Variants in NOX4 observed in about 807,000 individuals in gnomAD.
NOX4 encodes the protein kidney oxidase-1.
A neutral mutation model predicts 87.6 loss-of-function variants in NOX4; 69 were observed. The ratio of observed to expected loss-of-function variants is 0.79; its 90% CI spans 0.65 to 0.96. The LOEUF is 0.96. Among genes scored for constraint, NOX4 ranks in the 40% least tolerant of loss-of-function variants. The pLI, the probability that NOX4 is intolerant of heterozygous loss-of-function variation, is 0.00. For synonymous variants in NOX4, 275 were observed against 238.2 expected (o/e 1.15, Z -1.42); for missense variants, 680 against 681.5 (o/e 1.00, Z 0.02).
chr11:89,576,561 G>C, the NOX4 span, among the ~76,000 whole-genome samples: 5,329 of 152,076 alleles, frequency 0.035, 327 homozygotes, highest in East Asian at 0.19. Context: ...TATGATAACT[G>C]TCTGCTCACA....
chr11:89,515,315 AATGCTGAAC>A, the NOX4 span, among the ~76,000 whole-genome samples: 51 of 152,092 alleles, frequency 3.4e-4, no homozygotes, highest in African/African-American at 1.2e-3. Flanking sequence ...AAGTATTTAT[AATGCTGAAC>A]ATCTTTTTCA....
chr11:89,462,939 AAGAT>A (rs1208117275), intron 2 of NOX4, among the ~76,000 whole-genome samples: 37 of 152,122 alleles, frequency 2.4e-4, no homozygotes, highest in African/African-American at 8.9e-4. Flanking sequence ...AGAGAAGAAA[AAGAT>A]AGATATATGA....
the NOX4 span, among the ~76,000 whole-genome samples, chr11:89,511,435 C>A: frequency 6.6e-6 from 1 of 151,840 alleles, no homozygotes; most frequent in African/African-American, 2.4e-5. Flanking sequence ...AACCACCTTT[C>A]CACTCCCTGT....
At chr11:89,430,112 A>G (rs1158984651) in intron 7 of NOX4, among the ~76,000 whole-genome samples, 91 of 152,224 alleles carry the variant, frequency 6.0e-4, no homozygotes, top group Non-Finnish European at 1.9e-4. Context: ...CCACATGATT[A>G]TCTCCATAGA....
the NOX4 span, among the ~76,000 whole-genome samples, chr11:89,521,906 A>C: frequency 6.6e-6 from 1 of 152,162 alleles, no homozygotes; most frequent in East Asian, 1.9e-4. Flanking sequence ...GAAGACATAT[A>C]AGTAGCCAAC....
chr11:89,515,285 T>A, the NOX4 span, among the ~76,000 whole-genome samples: 2 of 151,776 alleles, frequency 1.3e-5, no homozygotes, highest in Non-Finnish European at 2.9e-5. Flanking sequence ...TTAGCGTGAG[T>A]TTTTTTTAGC....
chr11:89,445,560 G>T (rs769096580), intron 4 of NOX4, among the ~76,000 whole-genome samples: 3 of 152,016 alleles, frequency 2.0e-5, no homozygotes, highest in East Asian at 3.8e-4. Context: ...CCAGAAATAC[G>T]CCCACATTAA....
the NOX4 span, among the ~76,000 whole-genome samples, chr11:89,509,806 C>T: frequency 1.6e-4 from 24 of 152,074 alleles, no homozygotes; most frequent in African/African-American, 4.3e-4. Flanking sequence ...AACTAAAACA[C>T]GATGTGTCCG....
rs1326171997 is a variant in NOX4 at position 89,361,975 on chromosome 11, C to G, written c.1136-6932G>C. Among the ~76,000 whole-genome samples, 3 of 152,048 alleles carry G rather than the reference C, an allele frequency of 2.0e-5. No homozygotes were observed. The East Asian group carries it at 5.8e-4, about 30-fold the overall frequency. ...TCACAGAGCAGCTCACATCCATTGACTGAACAAGGCAAGGATATTTCAGCA... is the reference window on the plus strand; with the variant it reads ...TCACAGAGCAGCTCACATCCATTGAGTGAACAAGGCAAGGATATTTCAGCA... On this transcript the variant is annotated intron_variant, in intron 12 of 17. Coordinates refer to ENST00000263317, the MANE Select transcript of NOX4 (RefSeq NM_016931.5).
chr11:89,362,009 G>A (rs1276652650), intron 12 of NOX4, among the ~76,000 whole-genome samples: 1 of 152,000 alleles, frequency 6.6e-6, no homozygotes, highest in Admixed American at 6.6e-5. Context: ...CACTACACAG[G>A]CAACTCTGAT....
At chr11:89,421,152 C>G (rs551519707) in intron 8 of NOX4, among the ~76,000 whole-genome samples, 219 of 152,292 alleles carry the variant, frequency 1.4e-3, no homozygotes, top group Non-Finnish European at 2.6e-3. Context: ...TGCCCTGTAT[C>G]TTGCCAAACC....
chr11:89,349,773 A>G (rs984263195), intron 13 of NOX4, among the ~76,000 whole-genome samples: 2 of 152,202 alleles, frequency 1.3e-5, no homozygotes, highest in African/African-American at 4.8e-5. Flanking sequence ...CATTGTGGTT[A>G]AAACTTCCAG....
chr11:89,389,766 G>A (rs909328064), intron 11 of NOX4, among the ~76,000 whole-genome samples: 1 of 152,128 alleles, frequency 6.6e-6, no homozygotes, highest in African/African-American at 2.4e-5. Flanking sequence ...GAGAGAGACA[G>A]TGCAGAACAG....
At chr11:89,350,262 G>A (rs1362638032) in intron 13 of NOX4, among the ~76,000 whole-genome samples, 2 of 152,140 alleles carry the variant, frequency 1.3e-5, no homozygotes, top group Admixed American at 6.5e-5. Flanking sequence ...CATTGCAGGA[G>A]TTATTTTTTA....
intron 13 of NOX4, among the ~76,000 whole-genome samples, chr11:89,347,130 C>T (rs911977154): frequency 1.3e-5 from 2 of 152,140 alleles, no homozygotes; most frequent in African/African-American, 4.8e-5. Context: ...ATTATGTATA[C>T]TGTGGAAAAT....
the NOX4 span, among the ~76,000 whole-genome samples, chr11:89,589,017 T>C: frequency 1.3e-5 from 2 of 152,138 alleles, no homozygotes; most frequent in Non-Finnish European, 2.9e-5. Context: ...GAAATACATA[T>C]AATTAACAGA....
At chr11:89,391,227 A>C (rs1035602337) in intron 11 of NOX4, among the ~76,000 whole-genome samples, 1 of 152,288 alleles carries the variant, frequency 6.6e-6, no homozygotes, top group South Asian at 2.1e-4. Flanking sequence ...AAGAGTGTAC[A>C]TGGGATGCTC....
upstream of NOX4, among the ~76,000 whole-genome samples, chr11:89,503,017 C>T (rs1032299196): frequency 5.3e-5 from 8 of 151,932 alleles, no homozygotes; most frequent in African/African-American, 1.9e-4. Context: ...TCATATCTGG[C>T]CTATATAAAT....
chr11:89,534,403 A>G, the NOX4 span, among the ~76,000 whole-genome samples: 2 of 152,214 alleles, frequency 1.3e-5, no homozygotes, highest in East Asian at 3.8e-4. Context: ...GGCATGATCT[A>G]TAGGCTTGAC....
Sources: allele counts gnomAD v4.1 joint callset (sites outside exome capture counted in the v4.1 genomes callset), GRCh38; gene constraint gnomAD v4.1.1; transcripts MANE v1.5; gene names NCBI Gene and HGNC (gene_info 2026-07-23, HGNC 2026-07-21).